The following AP3D1 variants were observed in gnomAD, a reference collection of about 807,000 sequenced individuals.
AP3D1 encodes adaptor related protein complex 3 subunit delta 1.
Under a neutral mutation model 147.6 loss-of-function variants are expected in AP3D1, and 51 were observed. The ratio of observed to expected loss-of-function variants is 0.35; its 90% confidence interval spans 0.28 to 0.44. AP3D1 has a LOEUF of 0.44. AP3D1 is among the 20% of genes least tolerant of loss of function. AP3D1 has a pLI of 1.00. For missense variants in AP3D1, 1,421 were observed against 1,624.2 expected (o/e 0.87, Z 2.15); for synonymous variants, 760 against 663.0 (o/e 1.15, Z -2.25).
chr19:2,108,612 C>A (rs2018175814), intron 31 of AP3D1, 75 bp downstream of exon 31: 2 of 1,405,342 alleles, frequency 1.4e-6, no homozygotes, highest in Non-Finnish European at 9.8e-7. Flanking sequence ...AAGCGCGCCT[C>A]TGGGGATGAA....
rs767065209 is a variant in AP3D1, at chr19:2,129,426, G to A, written c.624C>T (p.Cys208=). ...GVQSAAVNVI[C]ELARRNPKNY... is the part of the protein sequence containing the mutation. ...TCTTAGGGTTGCGTCTGGCCAGCTC[G>A]CAGATGACATTGACGGCAGCCGACT... Residue 208 remains cysteine, a synonymous_variant, in exon 7 of 32, where the codon TGC becomes TGT. Transcript: ENST00000643116. 3.8e-5 allele frequency: 61 copies of A among 1,613,912 alleles called. No individual in the cohort carries two copies. The highest frequency in any genetic ancestry group is 1.6e-4 in the South Asian group (15 of 91,078).
chr19:2,152,821 A>C (rs1384603997), upstream of AP3D1, among the ~76,000 whole-genome samples: 1 of 152,036 alleles, frequency 6.6e-6, no homozygotes, highest in East Asian at 1.9e-4. Context: ...GGTTGCAGTG[A>C]GCCGAGATCG....
At chr19:2,153,574 G>C (rs943599175), upstream of AP3D1, among the ~76,000 whole-genome samples, 1 of 151,286 alleles carries the variant, frequency 6.6e-6, no homozygotes, top group Non-Finnish European at 1.5e-5. Context: ...TATTGGGGAG[G>C]CTGAGGCAGG....
intron 4 of AP3D1, 129 bp downstream of exon 4, chr19:2,136,882 G>C: frequency 1.2e-6 from 1 of 837,768 alleles, no homozygotes; most frequent in South Asian, 1.5e-5. Flanking sequence ...TGTGGCTCCG[G>C]AAGCCCCGCT....
At chr19:2,110,968 T>TAATGACCA in intron 26 of AP3D1, 72 bp from the exon 27 acceptor site, 1 of 1,505,008 alleles carries the variant, frequency 6.6e-7, no homozygotes, top group Non-Finnish European at 9.1e-7. Flanking sequence ...ACCTGTCTCT[T>TAATGACCA]AATGACCACA....
At chr19:2,143,073 T>A (rs1414181140) in intron 1 of AP3D1, among the ~76,000 whole-genome samples, 1 of 151,416 alleles carries the variant, frequency 6.6e-6, no homozygotes, top group Non-Finnish European at 1.5e-5. Context: ...CTCTTTTTCT[T>A]TTTTTTCTGA....
chr19:2,126,168 C>T (rs1212266581), intron 9 of AP3D1, among the ~76,000 whole-genome samples: 1 of 152,180 alleles, frequency 6.6e-6, no homozygotes, highest in Non-Finnish European at 1.5e-5. Flanking sequence ...GCTCTTGCCT[C>T]GGCCTCCTGA....
chr19:2,110,247 G>T, intron 27 of AP3D1, 23 bp from the exon 28 acceptor site: 3 of 1,606,682 alleles, frequency 1.9e-6, no homozygotes, highest in Non-Finnish European at 2.5e-6. Context: ...AGAGGGAGTG[G>T]GGCCTGAGAC....
At chr19:2,109,770 A>G (rs768003438) in intron 29 of AP3D1, 103 bp downstream of exon 29, 38 of 1,140,200 alleles carry the variant, frequency 3.3e-5, no homozygotes, top group South Asian at 2.9e-4. Flanking sequence ...ATCCGTCTCT[A>G]AAGTCCTGCC....
chr19:2,102,725 CAAAAAATAAATAAATA>C (rs2017989744), intron 31 of AP3D1, among the ~76,000 whole-genome samples: 1 of 114,354 alleles, frequency 8.7e-6, no homozygotes, highest in Non-Finnish European at 1.8e-5. Flanking sequence ...GAGACTGTCT[CAAAAAATAAATAAATA>C]AATAAATAAA....
intron 14 of AP3D1, among the ~76,000 whole-genome samples, chr19:2,120,016 C>A (rs1352078577): frequency 6.6e-6 from 1 of 151,988 alleles, no homozygotes; most frequent in South Asian, 2.1e-4. Flanking sequence ...GGCTGGGGAC[C>A]CTTTCGGGAT....
intron 1 of AP3D1, among the ~76,000 whole-genome samples, chr19:2,144,086 C>CA (rs36022453): frequency 0.41 from 50,755 of 123,092 alleles, 10,116 homozygotes; most frequent in Non-Finnish European, 0.51. Flanking sequence ...AACTCCGTCT[C>CA]AAAAAAAAAA....
chr19:2,116,421 C>T, intron 17 of AP3D1, 143 bp from the exon 18 acceptor site: 2 of 1,220,918 alleles, frequency 1.6e-6, no homozygotes, highest in Non-Finnish European at 2.2e-6. Flanking sequence ...GAAACCAAGG[C>T]CCGCAATTGG....
intron 3 of AP3D1, among the ~76,000 whole-genome samples, chr19:2,137,302 G>T (rs920984274): frequency 1.3e-5 from 2 of 151,792 alleles, no homozygotes; most frequent in Non-Finnish European, 2.9e-5. Context: ...TCCCAGTTTG[G>T]AATATGTATG....
chr19:2,156,397 A>G (rs2019645808), upstream of AP3D1, among the ~76,000 whole-genome samples: 1 of 151,668 alleles, frequency 6.6e-6, no homozygotes, highest in South Asian at 2.1e-4. Context: ...CCCACCCATC[A>G]TCCATCCATC....
At chr19:2,134,160 T>C (rs1408622090) in intron 4 of AP3D1, among the ~76,000 whole-genome samples, 3 of 152,052 alleles carry the variant, frequency 2.0e-5, no homozygotes, top group African/African-American at 7.2e-5. Flanking sequence ...ACACTTCTAA[T>C]CCTACCACTT....
At chr19:2,145,934 C>T (rs374860724) in intron 1 of AP3D1, among the ~76,000 whole-genome samples, 2 of 152,266 alleles carry the variant, frequency 1.3e-5, no homozygotes, top group Admixed American at 6.5e-5. Context: ...GCTGACACTA[C>T]AGCTGCACCC....
At chr19:2,104,282 CCAGACCCCAACGCCAAGACACCAACACG>C (rs1345173845) in intron 31 of AP3D1, among the ~76,000 whole-genome samples, 4 of 136,546 alleles carry the variant, frequency 2.9e-5, no homozygotes, top group South Asian at 4.6e-4. Flanking sequence ...ACGCCAACAC[CCAGACCCCAACGCCAAGACACCAACACG>C]CAGACCCCAA....
intron 1 of AP3D1, among the ~76,000 whole-genome samples, chr19:2,161,405 G>A (rs1273243762): frequency 2.0e-5 from 3 of 151,556 alleles, no homozygotes; most frequent in Admixed American, 6.6e-5. Context: ...CAGGTGATCC[G>A]CCCCCCTCAG....
Sources: allele counts gnomAD v4.1 joint callset (sites outside exome capture counted in the v4.1 genomes callset), GRCh38; gene constraint gnomAD v4.1.1; transcripts MANE v1.5; gene names NCBI Gene and HGNC (gene_info 2026-07-23, HGNC 2026-07-21).